Variants in ACACA observed in about 807,000 individuals in gnomAD.
ACACA encodes acetyl-CoA carboxylase 1.
In ACACA, 103 loss-of-function variants were observed where a neutral mutation model predicts 296.1. The ratio of observed to expected loss-of-function variants is 0.35; its 90% CI spans 0.30 to 0.41. The LOEUF (loss-of-function observed/expected upper bound fraction) is 0.41. ACACA is among the 10% of genes least tolerant of loss of function. The pLI, the probability that ACACA is intolerant of heterozygous loss-of-function variation, is 1.00. For synonymous variants in ACACA, 953 were observed against 1,038.6 expected, an observed-to-expected ratio of 0.92 and a Z score of 1.58; for missense variants, 1,554 against 2,989.7, an observed-to-expected ratio of 0.52 and a Z score of 11.20.
chr17:37,178,765 C>A (rs976480304), intron 41 of ACACA, among the ~76,000 whole-genome samples: 3 of 152,094 alleles, frequency 2.0e-5, no homozygotes, highest in African/African-American at 7.2e-5. Context: ...TGAGCCACTG[C>A]ACTCCAGCCT....
intron 41 of ACACA, among the ~76,000 whole-genome samples, chr17:37,169,785 G>T (rs775624342): frequency 6.6e-6 from 1 of 152,146 alleles, no homozygotes; most frequent in Non-Finnish European, 1.5e-5. Flanking sequence ...CTTTTTGGGG[G>T]TCTTCTCTTT....
At position 37,179,291 on chromosome 17, in the gene ACACA, A is replaced by G. The variant is rs1186219138; in HGVS notation, c.5048T>C (p.Val1683Ala). Residue 1683 changes from valine to alanine, a missense_variant, in exon 41 of 56, where the codon GTC becomes GCC. Physicochemically the swap from Val to Ala is moderately conservative, Grantham distance 64 (BLOSUM62 0). Around this residue, in one of 16 missense-constraint regions of ACACA, gnomAD observed 553 missense variants for 1,043.6 expected, o/e 0.53. Transcript: ENST00000616317. Reference protein sequence around the residue: ...ELVLDDQGQLVHMNRLPGGNE... With the variant: ...ELVLDDQGQLAHMNRLPGGNE... ...TCCTCCTGGAAGCCTGTTCATGTGG[A>G]CCAGCTGACCTTGATCATCCAGTAC... 16 of 1,614,134 alleles carry G rather than the reference A, an allele frequency of 9.9e-6. No individual in the cohort carries two copies. The highest frequency in any genetic ancestry group is 1.3e-5 in the African/African-American group (1 of 75,036).
chr17:37,323,843 G>A (rs979851608), intron 3 of ACACA, among the ~76,000 whole-genome samples: 4 of 152,172 alleles, frequency 2.6e-5, no homozygotes, highest in Non-Finnish European at 5.9e-5. Context: ...TATGCAAAAC[G>A]ATCTGACCTC....
intron 54 of ACACA, among the ~76,000 whole-genome samples, chr17:37,090,661 C>T (rs894639315): frequency 2.0e-5 from 3 of 152,166 alleles, no homozygotes; most frequent in African/African-American, 4.8e-5. Flanking sequence ...CCCCTATCCA[C>T]GAGGGAGAAG....
intron 3 of ACACA, 62 bp from the exon 4 acceptor site, chr17:37,285,032 A>G (rs115271193): frequency 1.3e-6 from 2 of 1,596,900 alleles, no homozygotes; most frequent in Admixed American, 3.3e-5. Context: ...GCTTTTCACT[A>G]CCATACCCAT....
chr17:37,293,776 G>C (rs530787265), intron 3 of ACACA, among the ~76,000 whole-genome samples: 1 of 152,076 alleles, frequency 6.6e-6, no homozygotes, highest in Non-Finnish European at 1.5e-5. Context: ...CTGACCTCGG[G>C]TGATCCACCC....
In ACACA at chr17:37,149,914, G is replaced by C; in HGVS notation, c.5629C>G (p.Gln1877Glu). The C allele has an allele frequency of 6.2e-7, 1 of 1,614,174 alleles. No homozygotes were observed. The highest frequency in any genetic ancestry group is 8.5e-7 in the Non-Finnish European group (1 of 1,180,020). Residue 1877 changes from glutamine to glutamate, a missense_variant, in exon 45 of 56, where the codon CAG becomes GAG. Transcript: ENST00000616317. ...AGAATTAAGTGAGAATTCTCAACCT[G>C]GATGGTTCTCTGTCCCAGCCGGACA... ...YLVRLGQRTIQVENSHLILTG... is the reference protein window; with the variant it reads ...YLVRLGQRTIEVENSHLILTG...
chr17:37,305,157 C>A (rs988042094), intron 3 of ACACA, among the ~76,000 whole-genome samples: 27 of 151,972 alleles, frequency 1.8e-4, no homozygotes, highest in Non-Finnish European at 4.4e-5. Context: ...TTGAATATAA[C>A]CTGTCATGGG....
Position 37,376,752 on chromosome 17 carries a change from C to T in ACACA, c.38+29510G>A, listed in dbSNP as rs187805034. ...GGTGGATCACCTGAGGTCAGGAGTT[C>T]GAGACCAGCCTGGCCAACATGGCGA... On this transcript the variant is annotated intron_variant, in intron 1 of 55. Coordinates refer to ENST00000616317, the MANE Select transcript of ACACA (RefSeq NM_198834.3). Among the ~76,000 whole-genome samples, 1,134 of 152,076 alleles carry T rather than the reference C, an allele frequency of 7.5e-3. 14 individuals carry two copies. Among genetic ancestry groups the T allele is most frequent in the African/African-American group, 0.026 (1,072 of 41,474 alleles).
At chr17:37,375,180 C>T (rs923153281) in intron 1 of ACACA, among the ~76,000 whole-genome samples, 3 of 149,438 alleles carry the variant, frequency 2.0e-5, no homozygotes, top group South Asian at 2.1e-4. Context: ...GGCAACAGAA[C>T]GAGACTCCAT....
chr17:37,396,165 C>G (rs951451287), intron 1 of ACACA, among the ~76,000 whole-genome samples: 3 of 151,802 alleles, frequency 2.0e-5, no homozygotes, highest in African/African-American at 4.8e-5. Flanking sequence ...GATGGTGAAA[C>G]CCTGTCTCTA....
At chr17:37,188,593 T>C in intron 38 of ACACA, 113 bp from the exon 39 acceptor site, 9 of 1,124,018 alleles carry the variant, frequency 8.0e-6, no homozygotes, top group Non-Finnish European at 1.2e-5. Context: ...GGTTGGTTTG[T>C]GGAGATGCAC....
chr17:37,193,176 C>T (rs1371007993), intron 36 of ACACA, among the ~76,000 whole-genome samples, 198 bp downstream of exon 36: 1 of 152,114 alleles, frequency 6.6e-6, no homozygotes, highest in Non-Finnish European at 1.5e-5. Flanking sequence ...TAGCTCAATA[C>T]ATTTGGTTGT....
chr17:37,308,512 T>C (rs1472697657), intron 3 of ACACA, among the ~76,000 whole-genome samples: 2 of 152,186 alleles, frequency 1.3e-5, no homozygotes, highest in African/African-American at 4.8e-5. Context: ...TTACAAACTT[T>C]ATGCCAATAA....
At chr17:37,111,270 C>T (rs982674470) in intron 52 of ACACA, among the ~76,000 whole-genome samples, 3 of 152,060 alleles carry the variant, frequency 2.0e-5, no homozygotes, top group African/African-American at 7.2e-5. Context: ...TCTACAAGGA[C>T]ATCTTAGAAA....
At chr17:37,297,268 CCCATCTCTA>C (rs769945595) in intron 3 of ACACA, among the ~76,000 whole-genome samples, 9 of 150,644 alleles carry the variant, frequency 6.0e-5, no homozygotes, top group Non-Finnish European at 1.3e-4. Context: ...ATGGAGAAAC[CCCATCTCTA>C]CTAAAAATAC....
chr17:37,270,965 T>C, intron 9 of ACACA, 104 bp from the exon 10 acceptor site: 1 of 790,812 alleles, frequency 1.3e-6, no homozygotes, highest in Non-Finnish European at 2.2e-6. Flanking sequence ...TTAGTAATTC[T>C]AAATACAATA....
In ACACA at chr17:37,339,334, C is replaced by T. The variant is rs575552426; in HGVS notation, c.85+470G>A. ...GAAGAAAAAGAGAGTTAATAAAACA[C>T]GGTTCCTGGGCTAATAAGTGAGAGT... On this transcript the variant is annotated intron_variant, in intron 2 of 55. Coordinates refer to ENST00000616317, the MANE Select transcript of ACACA (RefSeq NM_198834.3). Among the ~76,000 whole-genome samples, 176 of 152,310 alleles carry T rather than the reference C, an allele frequency of 1.2e-3. 1 individual carries two copies. The highest frequency in any genetic ancestry group is 4.7e-3 in the Admixed American group (72 of 15,298).
chr17:37,264,228 C>T (rs190741097), intron 10 of ACACA, among the ~76,000 whole-genome samples: 143 of 152,348 alleles, frequency 9.4e-4, no homozygotes, highest in African/African-American at 3.3e-3. Flanking sequence ...GTACTCTGTA[C>T]AACCAAATGT....
Sources: gnomAD v4.1 joint callset for allele counts (sites outside exome capture counted in the v4.1 genomes callset) on GRCh38, gnomAD v4.1.1 for gene constraint, gnomAD v4.1.1 regional missense constraint, MANE v1.5 for transcripts, NCBI Gene and HGNC (gene_info 2026-07-23, HGNC 2026-07-21) for gene names.